The following AGBL4 variants were observed in gnomAD, a reference collection of about 807,000 sequenced individuals.
AGBL4 encodes the protein AGBL carboxypeptidase 4, also known as cytosolic carboxypeptidase 6.
In AGBL4, 58 loss-of-function variants were observed where a neutral mutation model predicts 66.4. The observed-to-expected ratio is 0.87, with a 90% CI of 0.71 to 1.09. The LOEUF (loss-of-function observed/expected upper bound fraction) is 1.09, where lower values mean the gene tolerates loss of function less well. Among genes scored for constraint, AGBL4 ranks in the 50% least tolerant of loss-of-function variants. The pLI, the probability that AGBL4 is intolerant of heterozygous loss-of-function variation, is 0.00. For missense variants in AGBL4, 579 were observed against 631.0 expected, an observed-to-expected ratio of 0.92 and a Z score of 0.88; for synonymous variants, 234 against 222.9, an observed-to-expected ratio of 1.05 and a Z score of -0.44.
At chr1:49,122,796 G>C (rs1050530036) in intron 4 of AGBL4, among the ~76,000 whole-genome samples, 9 of 152,158 alleles carry the variant, frequency 5.9e-5, no homozygotes, top group African/African-American at 1.9e-4. Flanking sequence ...AAATAAGGCA[G>C]TTAGCAATGC....
intron 6 of AGBL4, among the ~76,000 whole-genome samples, chr1:48,794,921 C>T (rs1167169833): frequency 6.6e-6 from 1 of 152,168 alleles, no homozygotes; most frequent in Non-Finnish European, 1.5e-5. Flanking sequence ...TCTCTTCAAA[C>T]TTTTGAGAAG....
intron 4 of AGBL4, among the ~76,000 whole-genome samples, chr1:49,132,848 A>G (rs940418552): frequency 6.6e-6 from 1 of 152,188 alleles, no homozygotes; most frequent in African/African-American, 2.4e-5. Context: ...TCAAAGATCT[A>G]GAACCAGAAA....
In AGBL4 at chr1:49,653,125, C is replaced by T. The variant is rs576898815; in HGVS notation, c.282+44188G>A. 2.0e-5 allele frequency among the ~76,000 whole-genome samples: 3 copies of T among 152,242 alleles called. No individual in the cohort carries two copies. In the East Asian group the frequency reaches 5.8e-4, roughly 30 times the overall value. ...CCTACAGTAAGGAACAGGCTGACAT[C>T]TTTGCTATTCTGCAGCCTCCACTGG... On this transcript the variant is annotated intron_variant, in intron 3 of 13. Transcript: ENST00000371839.
intron 3 of AGBL4, among the ~76,000 whole-genome samples, chr1:49,335,235 T>C (rs1195820125): frequency 6.6e-6 from 1 of 152,190 alleles, no homozygotes; most frequent in Non-Finnish European, 1.5e-5. Context: ...TTTTATTTCT[T>C]CTTTCTCTCA....
intron 3 of AGBL4, among the ~76,000 whole-genome samples, chr1:49,471,485 C>G (rs1352493480): frequency 6.6e-6 from 1 of 151,864 alleles, no homozygotes; most frequent in African/African-American, 2.4e-5. Context: ...TTATACACAA[C>G]AACGAACATA....
chr1:50,009,109 G>C (rs1161269264), intron 1 of AGBL4, among the ~76,000 whole-genome samples: 2 of 152,090 alleles, frequency 1.3e-5, no homozygotes. Context: ...TTGAAAAACA[G>C]AGGAGAAGGG....
At position 49,528,736 on chromosome 1, in the gene AGBL4, G is replaced by A. The variant is rs572586808; in HGVS notation, c.282+168577C>T. On this transcript the variant is annotated intron_variant, in intron 3 of 13. Coordinates refer to ENST00000371839, the MANE Select transcript of AGBL4 (RefSeq NM_032785.4). Reference sequence around the variant, plus strand: ...TAAGATGAGTGGGAGATTGGTGGACGAAAAATTTTTAAAAAAATTAGAAAG... The same window carrying A: ...TAAGATGAGTGGGAGATTGGTGGACAAAAAATTTTTAAAAAAATTAGAAAG... Among the ~76,000 whole-genome samples the A allele has an allele frequency of 3.3e-5, 5 of 152,008 alleles. No individual in the cohort carries two copies. In the South Asian group the frequency reaches 6.2e-4, roughly 19 times the overall value.
chr1:48,803,368 A>G (rs540276494), intron 6 of AGBL4, among the ~76,000 whole-genome samples: 5 of 152,192 alleles, frequency 3.3e-5, no homozygotes, highest in African/African-American at 1.2e-4. Flanking sequence ...GCTTACACCA[A>G]TCTCCCTCTG....
intron 4 of AGBL4, among the ~76,000 whole-genome samples, chr1:49,177,026 T>G (rs354168): frequency 0.57 from 85,874 of 151,784 alleles, 24,831 homozygotes; most frequent in Middle Eastern, 0.63. Context: ...AAGCTCTGTC[T>G]TGGTTTTCAA....
At chr1:49,919,932 C>A (rs920898534) in intron 1 of AGBL4, among the ~76,000 whole-genome samples, 2 of 152,104 alleles carry the variant, frequency 1.3e-5, no homozygotes, top group South Asian at 2.1e-4. Flanking sequence ...AGAAATAATA[C>A]CACACATCTA....
chr1:49,894,989 A>G (rs1649043271), intron 1 of AGBL4, among the ~76,000 whole-genome samples: 1 of 152,164 alleles, frequency 6.6e-6, no homozygotes, highest in Admixed American at 6.6e-5. Flanking sequence ...AAAGGTCACG[A>G]ATAAAGGATC....
At chr1:49,733,660 C>T (rs1649632677) in intron 2 of AGBL4, among the ~76,000 whole-genome samples, 1 of 152,078 alleles carries the variant, frequency 6.6e-6, no homozygotes, top group Non-Finnish European at 1.5e-5. Flanking sequence ...GGAGGTGGGG[C>T]CTTCAGAGAG....
intron 4 of AGBL4, among the ~76,000 whole-genome samples, chr1:49,079,583 T>G (rs1319539469): frequency 6.6e-6 from 1 of 152,150 alleles, no homozygotes; most frequent in East Asian, 1.9e-4. Flanking sequence ...TACAGGTCCC[T>G]CCCTTGACAC....
At position 49,879,023 on chromosome 1, in the gene AGBL4, C is replaced by T. The variant is rs1337199983; in HGVS notation, c.35-27505G>A. Among the ~76,000 whole-genome samples the T allele has an allele frequency of 1.6e-3, 168 of 104,134 alleles. 1 individual carries two copies. Among genetic ancestry groups the T allele is most frequent in the African/African-American group, 4.6e-3 (118 of 25,622 alleles). 68.3% of individuals were successfully genotyped at this position (104,134 alleles called of 152,430 possible). ...TTTTCCATTTGCTTGGTAGATCTTC[C>T]TCCATCCTTTTATTTTCAGCCTATG... On this transcript the variant is annotated intron_variant, in intron 1 of 13. Coordinates refer to ENST00000371839, the MANE Select transcript of AGBL4 (RefSeq NM_032785.4).
intron 4 of AGBL4, among the ~76,000 whole-genome samples, chr1:49,186,251 C>T (rs1160752620): frequency 6.6e-6 from 1 of 152,172 alleles, no homozygotes; most frequent in Non-Finnish European, 1.5e-5. Flanking sequence ...CCCATTCAGC[C>T]TTTGCTTTCA....
chr1:48,664,973 AATGCTGGAGAC>A (rs1246043441), intron 6 of AGBL4, among the ~76,000 whole-genome samples: 2 of 152,244 alleles, frequency 1.3e-5, no homozygotes, highest in Non-Finnish European at 2.9e-5. Flanking sequence ...CTCCTTCTGA[AATGCTGGAGAC>A]ATGCTATTCT....
intron 3 of AGBL4, among the ~76,000 whole-genome samples, chr1:49,543,667 G>T (rs570559219): frequency 3.6e-4 from 55 of 152,098 alleles, no homozygotes; most frequent in Non-Finnish European, 7.3e-4. Context: ...AGCCTATAAA[G>T]GGCATTAGAT....
rs1427529444 is a variant in AGBL4, at chr1:48,570,258, ACT to A, written c.1267+16744_1267+16745del. Among the ~76,000 whole-genome samples the A allele has an allele frequency of 2.6e-5, 4 of 152,308 alleles. No homozygotes were observed. In the East Asian group the frequency reaches 7.7e-4, roughly 29 times the overall value. ...ATGGAGGAGTTTAGGCCAGGTAGAA[ACT>A]CTCAGTCACTCAGAAGAAAACCAAA... On this transcript the variant is annotated intron_variant, in intron 11 of 13. Coordinates refer to ENST00000371839, the MANE Select transcript of AGBL4 (RefSeq NM_032785.4).
rs193064419 is a variant in AGBL4 at position 49,553,217 on chromosome 1, C to T, written c.282+144096G>A. On this transcript the variant is annotated intron_variant, in intron 3 of 13. Coordinates refer to ENST00000371839, the MANE Select transcript of AGBL4 (RefSeq NM_032785.4). ...GTGTTTAATCACAATATAGATTGTA[C>T]GATGGCTTAACCACTTACCAGTTGT... is the stretch of plus-strand genomic sequence containing the variant. Among the ~76,000 whole-genome samples, 449 of 152,298 alleles carry T rather than the reference C, an allele frequency of 2.9e-3. 5 individuals carry two copies. Among genetic ancestry groups the T allele is most frequent in the Non-Finnish European group, 3.8e-3 (257 of 68,030 alleles).
Sources: allele counts gnomAD v4.1 joint callset (sites outside exome capture counted in the v4.1 genomes callset), GRCh38; gene constraint gnomAD v4.1.1; transcripts MANE v1.5; gene names NCBI Gene and HGNC (gene_info 2026-07-23, HGNC 2026-07-21).